DNAH17: variants seen among roughly 807,000 people sequenced by gnomAD.
DNAH17 encodes dynein axonemal heavy chain 17.
Under a neutral mutation model 485.6 loss-of-function variants are expected in DNAH17, and 376 were observed. The ratio of observed to expected loss-of-function variants is 0.77; its 90% confidence interval spans 0.71 to 0.84. The LOEUF (loss-of-function observed/expected upper bound fraction) is 0.84. Among genes scored for constraint, DNAH17 ranks in the 40% least tolerant of loss-of-function variants. DNAH17 has a pLI of 0.00. For synonymous variants in DNAH17, 3,031 were observed against 2,405.9 expected (o/e 1.26, Z -7.60); for missense variants, 6,370 against 5,839.3 (o/e 1.09, Z -2.96).
At chr17:78,438,471 G>A (rs1426020378) in intron 73 of DNAH17, among the ~76,000 whole-genome samples, 1 of 77,112 alleles carries the variant, frequency 1.3e-5, no homozygotes, top group Non-Finnish European at 2.6e-5. Flanking sequence ...AGGAGGAGAT[G>A]CTTTTGTCAA....
intron 21 of DNAH17, 61 bp downstream of exon 21, chr17:78,530,282 G>T: frequency 6.7e-7 from 1 of 1,493,688 alleles, no homozygotes; most frequent in Non-Finnish European, 9.0e-7. Context: ...TCAAGTGGAA[G>T]GCCACTCCCT....
chr17:78,537,865 G>A (rs773684003), intron 18 of DNAH17, among the ~76,000 whole-genome samples: 5 of 152,174 alleles, frequency 3.3e-5, no homozygotes, highest in African/African-American at 7.2e-5. Flanking sequence ...TTGGCTAGGC[G>A]CAGTGGCTCA....
At chr17:78,513,066 A>G (rs1307797074) in intron 26 of DNAH17, among the ~76,000 whole-genome samples, 1 of 152,170 alleles carries the variant, frequency 6.6e-6, no homozygotes, top group African/African-American at 2.4e-5. Context: ...TGTAAAGCAA[A>G]AATAAAATCC....
At position 78,458,948 on chromosome 17, in the gene DNAH17, C is replaced by A. The variant is rs551103579; in HGVS notation, c.9861+53G>T. ...TTTCAACAGAGGTATTGACTGGCAGCGCGAGCAAGCGGCTCTGGTGTTTCG... is the reference window on the plus strand; with the variant it reads ...TTTCAACAGAGGTATTGACTGGCAGAGCGAGCAAGCGGCTCTGGTGTTTCG... On this transcript the variant is annotated intron_variant, in intron 61 of 80. Coordinates refer to ENST00000389840, the MANE Select transcript of DNAH17 (RefSeq NM_173628.4). The A allele has an allele frequency of 1.0e-5, 16 of 1,578,840 alleles. No individual in the cohort carries two copies. In the Admixed American group the frequency reaches 2.2e-4, roughly 22 times the overall value.
chr17:78,447,814 G>GT (rs1475731580), intron 69 of DNAH17, among the ~76,000 whole-genome samples: 1 of 152,180 alleles, frequency 6.6e-6, no homozygotes, highest in Non-Finnish European at 1.5e-5. Context: ...TGCCCAACCT[G>GT]TTTATACAAT....
intron 73 of DNAH17, among the ~76,000 whole-genome samples, chr17:78,438,426 A>AGGAGGAGGAGGGAGGAG (rs2086927284): frequency 1.1e-3 from 2 of 1,752 alleles, no homozygotes; most frequent in East Asian, 0.014. Flanking sequence ...AGTGAGGAGA[A>AGGAGGAGGAGGGAGGAG]GGAGGAGGAG....
chr17:78,452,318 G>A (rs1044286555), intron 65 of DNAH17, among the ~76,000 whole-genome samples: 5 of 152,106 alleles, frequency 3.3e-5, no homozygotes, highest in African/African-American at 9.7e-5. Flanking sequence ...AATGAATAAT[G>A]CAAGCTCCAC....
rs537425052 is a variant in DNAH17, at chr17:78,549,412, T to C, written c.2391+2123A>G. Reference sequence around the variant, plus strand: ...AAATGACCAGGACAGTGGGCCCAAGTGTTTGCCTTCCCTCCTCGGAGGTCA... The same window carrying C: ...AAATGACCAGGACAGTGGGCCCAAGCGTTTGCCTTCCCTCCTCGGAGGTCA... On this transcript the variant is annotated intron_variant, in intron 16 of 80. Coordinates refer to ENST00000389840, the MANE Select transcript of DNAH17 (RefSeq NM_173628.4). Among the ~76,000 whole-genome samples, 3 of 152,300 alleles carry C rather than the reference T, an allele frequency of 2.0e-5. No homozygotes were observed. In the East Asian group the frequency reaches 5.8e-4, roughly 29 times the overall value.
chr17:78,491,586 G>A lies in DNAH17; in HGVS notation c.6542-16C>T, dbSNP rs556781142. ...GAGAACAGGCCTGGGGGAGGCGCGT[G>A]GTATGACCCCGGGCCCTTCACTCCG... On this transcript the variant is annotated splice_polypyrimidine_tract_variant and intron_variant, in intron 42 of 80. Transcript: ENST00000389840. 21 of 1,612,772 alleles carry A rather than the reference G, an allele frequency of 1.3e-5. No homozygotes were observed. In the South Asian group the frequency reaches 2.2e-4, roughly 17 times the overall value.
Position 78,458,167 on chromosome 17 carries a change from C to T in DNAH17, c.9977+398G>A, listed in dbSNP as rs2087901915. ...AAGGTGACACATCCACATCTGGCAC[C>T]TGGCATTATATCCCTAGTGGACGAC... On this transcript the variant is annotated intron_variant, in intron 62 of 80. Coordinates refer to ENST00000389840, the MANE Select transcript of DNAH17 (RefSeq NM_173628.4). 3.3e-5 allele frequency among the ~76,000 whole-genome samples: 5 copies of T among 152,214 alleles called. No homozygotes were observed. In the South Asian group the frequency reaches 1.0e-3, roughly 32 times the overall value.
At chr17:78,516,690 A>AG (rs2090791139) in intron 25 of DNAH17, among the ~76,000 whole-genome samples, 2 of 102,032 alleles carry the variant, frequency 2.0e-5, no homozygotes. Context: ...ACTCCATCTC[A>AG]GAAAAAAAAA....
chr17:78,425,461 C>T lies in DNAH17; in HGVS notation c.13026G>A (p.Lys4342=). The T allele has an allele frequency of 6.2e-7, 1 of 1,613,984 alleles. No homozygotes were observed. The highest frequency in any genetic ancestry group is 8.5e-7 in the Non-Finnish European group (1 of 1,179,922). Reference sequence around the variant, plus strand: ...ACATCTTGTCCAGGGGCCACTCGTTCTTCCTGGCCATGGACTGCATGATGG... The same window carrying T: ...ACATCTTGTCCAGGGGCCACTCGTTTTTCCTGGCCATGGACTGCATGATGG... ...LTAIMQSMAR[K]NEWPLDKMCL... The change falls in exon 80 of 81, where the codon AAG becomes AAA. Residue 4342 remains lysine (K), a synonymous_variant. Transcript: ENST00000389840.
chr17:78,574,126 A>G (rs1479016884), intron 2 of DNAH17, among the ~76,000 whole-genome samples: 2 of 152,202 alleles, frequency 1.3e-5, no homozygotes, highest in Admixed American at 1.3e-4. Context: ...TGCTGTCCAG[A>G]GAGAACAAGG....
chr17:78,460,729 G>A (rs1410369688), intron 58 of DNAH17, among the ~76,000 whole-genome samples: 3 of 152,162 alleles, frequency 2.0e-5, no homozygotes, highest in African/African-American at 7.2e-5. Flanking sequence ...TTCCAAGACT[G>A]GAGGGGAAAT....
chr17:78,551,277 T>TACTGGC (rs1293117241), intron 16 of DNAH17, among the ~76,000 whole-genome samples: 1 of 152,222 alleles, frequency 6.6e-6, no homozygotes, highest in African/African-American at 2.4e-5. Flanking sequence ...CACCCCTTGC[T>TACTGGC]ACTGGCACTG....
In DNAH17 at chr17:78,427,182, G is replaced by C. The variant is rs377493055; in HGVS notation, c.12589-74C>G. 4.7e-6 allele frequency: 7 copies of C among 1,478,402 alleles called. No homozygotes were observed. The Admixed American group carries it at 1.4e-4, about 29-fold the overall frequency. 91.6% of individuals were successfully genotyped at this position (1,478,402 alleles called of 1,614,324 possible). A position where few individuals can be genotyped will look rare whatever the true frequency, so the allele number is the denominator to read the frequency against. The stretch of plus-strand genomic sequence containing the variant: ...CACCCACTGCAGGGTCAGGGAGCCT[G>C]CCCAAAATGTTCCCAGCCCCAAGTC... On this transcript the variant is annotated intron_variant, in intron 77 of 80. Coordinates refer to ENST00000389840, the MANE Select transcript of DNAH17 (RefSeq NM_173628.4).
chr17:78,493,098 G>A (rs1420909293), intron 41 of DNAH17: 2 of 196,038 alleles, frequency 1.0e-5, no homozygotes, highest in Admixed American at 5.5e-5. Flanking sequence ...TGATCAGCCC[G>A]CCTTGGCCTC....
intron 56 of DNAH17, among the ~76,000 whole-genome samples, chr17:78,464,885 TTCA>T (rs2088338490): frequency 6.6e-6 from 1 of 152,258 alleles, no homozygotes; most frequent in Non-Finnish European, 1.5e-5. Flanking sequence ...TGATGATTTG[TTCA>T]TCATGAATTT....
rs950018377 is a variant in DNAH17, at chr17:78,564,339, G to A, written c.1569+2275C>T. Among the ~76,000 whole-genome samples, 4 of 151,900 alleles carry A rather than the reference G, an allele frequency of 2.6e-5. No homozygotes were observed. The South Asian group carries it at 8.3e-4, about 31-fold the overall frequency. On this transcript the variant is annotated intron_variant, in intron 11 of 80. Coordinates refer to ENST00000389840, the MANE Select transcript of DNAH17 (RefSeq NM_173628.4). ...CAGCAAGACTCTGGGGACTCATCTGGCCCTGGCCGGGTGACCAAGTTACTT... is the reference window on the plus strand; with the variant it reads ...CAGCAAGACTCTGGGGACTCATCTGACCCTGGCCGGGTGACCAAGTTACTT...
Sources: allele counts gnomAD v4.1 joint callset (sites outside exome capture counted in the v4.1 genomes callset), GRCh38; gene constraint gnomAD v4.1.1; transcripts MANE v1.5; gene names NCBI Gene and HGNC (gene_info 2026-07-23, HGNC 2026-07-21).